Variants in CMTM4 observed in about 807,000 individuals in gnomAD.
The protein encoded by CMTM4 is CKLF-like MARVEL transmembrane domain-containing protein 4.
In CMTM4, 8 loss-of-function variants were observed where a neutral mutation model predicts 19.0. The ratio of observed to expected loss-of-function variants is 0.42; its 90% CI spans 0.25 to 0.76. The LOEUF is 0.76. Ranked by LOEUF, CMTM4 falls within the 30% of genes least tolerant of loss-of-function variation. CMTM4 has a pLI of 0.27. For missense variants in CMTM4, 228 were observed against 290.2 expected (o/e 0.79, Z 1.56); for synonymous variants, 106 against 121.1 (o/e 0.88, Z 0.82).
chr16:66,647,040 G>A (rs552761958), intron 1 of CMTM4, among the ~76,000 whole-genome samples: 1 of 151,146 alleles, frequency 6.6e-6, no homozygotes, highest in African/African-American at 2.4e-5. Flanking sequence ...TTTTGACCAG[G>A]TGCAGTGGCT....
downstream of CMTM4, among the ~76,000 whole-genome samples, chr16:66,614,365 TCAGG>T (rs2015486429): frequency 6.6e-6 from 1 of 152,180 alleles, no homozygotes; most frequent in Admixed American, 6.5e-5. This position sits in a 1 kb window ranked among gnomAD's most constrained non-coding sequence, Gnocchi z 4.9. Flanking sequence ...CACGGCAGCC[TCAGG>T]CAGCCGGAAC....
chr16:66,656,207 A>T (rs2016395100), intron 1 of CMTM4, among the ~76,000 whole-genome samples: 1 of 152,182 alleles, frequency 6.6e-6, no homozygotes, highest in African/African-American at 2.4e-5. Flanking sequence ...AGAAGGGAGA[A>T]GGAAAAACTC....
chr16:66,621,746 C>T lies in CMTM4; in HGVS notation c.*312G>A. ...TTAGCAGCCCCATTTAATCCAAAGT[C>T]TTGTTACAAATACACACGACAAGGT... On this transcript the variant is annotated 3_prime_UTR_variant, in exon 4 of 4. Coordinates refer to ENST00000394106, the MANE Select transcript of CMTM4 (RefSeq NM_181521.3). The T allele has an allele frequency of 8.6e-7, 1 of 1,164,768 alleles. No individual in the cohort carries two copies. The highest frequency in any genetic ancestry group is 1.1e-6 in the Non-Finnish European group (1 of 937,548). The allele number at this position is 1,164,768 out of a possible 1,614,324, so 72.2% of individuals were successfully genotyped here. A position where few individuals can be genotyped will look rare whatever the true frequency, so the allele number is the denominator to read the frequency against.
At chr16:66,609,844 A>G, downstream of CMTM4, 2 of 1,614,180 alleles carry the variant, frequency 1.2e-6, no homozygotes, top group Non-Finnish European at 1.7e-6. The surrounding 1 kb of genome is among the most constrained non-coding windows in gnomAD (Gnocchi z 4.4). Context: ...CGGAGCAGGG[A>G]GTCAGCCCTG....
chr16:66,631,610 C>G (rs1380594705), intron 2 of CMTM4, among the ~76,000 whole-genome samples: 2 of 152,006 alleles, frequency 1.3e-5, no homozygotes, highest in African/African-American at 2.4e-5. Flanking sequence ...GCCTTGGGAT[C>G]CTGTTGATCT....
intron 1 of CMTM4, among the ~76,000 whole-genome samples, chr16:66,680,794 A>AC (rs1263894756): frequency 1.3e-5 from 2 of 150,466 alleles, no homozygotes; most frequent in Non-Finnish European, 3.0e-5. Flanking sequence ...AAAAAAAAAA[A>AC]AAAAAACCAT....
chr16:66,629,445 C>A (rs1231917162), intron 2 of CMTM4, among the ~76,000 whole-genome samples: 4 of 152,168 alleles, frequency 2.6e-5, no homozygotes. Context: ...AAAATGCCCA[C>A]AAGACAGGAC....
chr16:66,613,213 A>G (rs2015450270), downstream of CMTM4: 6 of 690,512 alleles, frequency 8.7e-6, 1 homozygote, highest in Admixed American at 6.1e-5. Context: ...TCGCCCAGGA[A>G]GTGGGGCTCG....
chr16:66,675,818 T>C (rs540573368), intron 1 of CMTM4, among the ~76,000 whole-genome samples: 1 of 152,256 alleles, frequency 6.6e-6, no homozygotes, highest in Non-Finnish European at 1.5e-5. Context: ...TGGGGGCCTG[T>C]TTCCCCAGTT....
chr16:66,617,640 C>T lies in CMTM4; in HGVS notation c.*4418G>A, dbSNP rs999999354. ...ATTTTAAATTACTTTCTCAACCAGA[C>T]AGTTCTTGTGACTTGAATGATATCT... is the stretch of plus-strand genomic sequence containing the variant. On this transcript the variant is annotated 3_prime_UTR_variant, in exon 4 of 4. Coordinates refer to ENST00000394106, the MANE Select transcript of CMTM4 (RefSeq NM_181521.3). The T allele has an allele frequency of 3.5e-6, 4 of 1,150,002 alleles. No homozygotes were observed. Among genetic ancestry groups the T allele is most frequent in the Non-Finnish European group, 3.2e-6 (3 of 928,486 alleles). The allele number at this position is 1,150,002 out of a possible 1,614,324, so 71.2% of individuals were successfully genotyped here.
chr16:66,616,196 A>G lies in CMTM4; in HGVS notation c.*5862T>C, dbSNP rs2015523790. On this transcript the variant is annotated 3_prime_UTR_variant, in exon 4 of 4. Coordinates refer to ENST00000394106, the MANE Select transcript of CMTM4 (RefSeq NM_181521.3). The stretch of plus-strand genomic sequence containing the variant: ...AATGTACATCTTTTTTTCCAATTCC[A>G]TGATTGACAAGAGTGCTTATGCGAC... 6.6e-6 allele frequency: 1 copy of G among 152,172 alleles called. No individual in the cohort carries two copies. The highest frequency in any genetic ancestry group is 2.1e-4 in the South Asian group (1 of 4,834). The allele number at this position is 152,172 out of a possible 1,614,324, so 9.4% of individuals were successfully genotyped here. A position where few individuals can be genotyped will look rare whatever the true frequency, so the allele number is the denominator to read the frequency against.
chr16:66,633,796 C>T lies in CMTM4; in HGVS notation c.363+2609G>A, dbSNP rs180869561. Among the ~76,000 whole-genome samples the T allele has an allele frequency of 3.8e-4, 57 of 148,652 alleles. 1 individual carries two copies. The highest frequency in any genetic ancestry group is 1.4e-4 in the Admixed American group (2 of 14,738). On this transcript the variant is annotated intron_variant, in intron 2 of 3. Coordinates refer to ENST00000394106, the MANE Select transcript of CMTM4 (RefSeq NM_181521.3). ...TCGCACCACTGCACTCCAGCCTGGGCGACAGAGCAAGACCCCATCTCAAAA... is the reference window on the plus strand; with the variant it reads ...TCGCACCACTGCACTCCAGCCTGGGTGACAGAGCAAGACCCCATCTCAAAA...
At chr16:66,629,176 G>A (rs1332990757) in intron 2 of CMTM4, among the ~76,000 whole-genome samples, 2 of 152,206 alleles carry the variant, frequency 1.3e-5, no homozygotes, top group Non-Finnish European at 2.9e-5. Context: ...TTTGTACACA[G>A]AATCAGCTGG....
chr16:66,611,567 C>T (rs891958659), downstream of CMTM4, among the ~76,000 whole-genome samples: 1 of 152,122 alleles, frequency 6.6e-6, no homozygotes, highest in African/African-American at 2.4e-5. Flanking sequence ...AGCCCTGAGC[C>T]CAGCCATGAG....
chr16:66,654,453 T>A (rs2016362952), intron 1 of CMTM4, among the ~76,000 whole-genome samples: 1 of 152,124 alleles, frequency 6.6e-6, no homozygotes, highest in South Asian at 2.1e-4. Context: ...GACTCCCTCC[T>A]CCAGACTCAC....
rs2015516017 is a variant in CMTM4, at chr16:66,615,761, G to A, written c.*6297C>T. The A allele has an allele frequency of 6.6e-6, 1 of 152,314 alleles. No individual in the cohort carries two copies. The highest frequency in any genetic ancestry group is 1.9e-4 in the East Asian group (1 of 5,164). 9.4% of individuals were successfully genotyped at this position (152,314 alleles called of 1,614,324 possible). A position where few individuals can be genotyped will look rare whatever the true frequency, so the allele number is the denominator to read the frequency against. On this transcript the variant is annotated 3_prime_UTR_variant, in exon 4 of 4. Transcript: ENST00000394106. The surrounding 1 kb of genome is among the most constrained non-coding windows in gnomAD (Gnocchi z 4.9). ...CCACAGGGGAAGGAGCCGGACACCGGCCTCTCACCATTTTACACCCAAAGA... is the reference window on the plus strand; with the variant it reads ...CCACAGGGGAAGGAGCCGGACACCGACCTCTCACCATTTTACACCCAAAGA...
chr16:66,624,740 C>G lies in CMTM4; in HGVS notation c.364-1238G>C, dbSNP rs183084723. On this transcript the variant is annotated intron_variant, in intron 2 of 3. Coordinates refer to ENST00000394106, the MANE Select transcript of CMTM4 (RefSeq NM_181521.3). ...TAAGATCGTGCCACTGCACTCTAGC[C>G]TGGGTGACAGAGCGAGACTCTTGTC... 1.1e-3 allele frequency among the ~76,000 whole-genome samples: 169 copies of G among 152,316 alleles called. 3 individuals carry two copies. Among genetic ancestry groups the G allele is most frequent in the Non-Finnish European group, 9.6e-4 (65 of 68,028 alleles).
At chr16:66,603,022 A>C in the CMTM4 span, among the ~76,000 whole-genome samples, 2 of 152,234 alleles carry the variant, frequency 1.3e-5, no homozygotes, top group South Asian at 4.1e-4. Flanking sequence ...CAAGAGAAAA[A>C]GAGATAGGAG....
At chr16:66,695,435 C>T (rs2017215676) in intron 1 of CMTM4, among the ~76,000 whole-genome samples, 1 of 152,168 alleles carries the variant, frequency 6.6e-6, no homozygotes, top group African/African-American at 2.4e-5. Context: ...GAAGGCCTAC[C>T]TGTGACAGAG....
Sources: gnomAD v4.1 joint callset for allele counts (sites outside exome capture counted in the v4.1 genomes callset) on GRCh38, gnomAD v4.1.1 for gene constraint, Gnocchi (gnomAD v3.1) non-coding constraint, MANE v1.5 for transcripts, NCBI Gene and HGNC (gene_info 2026-07-23, HGNC 2026-07-21) for gene names.